KIAA0825: variants seen among roughly 807,000 people sequenced by gnomAD.
The protein encoded by KIAA0825 is uncharacterized protein KIAA0825.
KIAA0825 carries 119 observed loss-of-function variants against 147.6 expected under a neutral mutation model. That is an observed-to-expected ratio of 0.81 (90% CI 0.69 to 0.94). The LOEUF (loss-of-function observed/expected upper bound fraction) is 0.94, where lower values mean the gene tolerates loss of function less well. Among genes scored for constraint, KIAA0825 ranks in the 40% least tolerant of loss-of-function variants. The pLI, the probability that KIAA0825 is intolerant of heterozygous loss-of-function variation, is 0.00. For missense variants in KIAA0825, 1,381 were observed against 1,472.7 expected, an observed-to-expected ratio of 0.94 and a Z score of 1.02; for synonymous variants, 470 against 518.1, an observed-to-expected ratio of 0.91 and a Z score of 1.26.
intron 20 of KIAA0825, among the ~76,000 whole-genome samples, chr5:94,333,894 G>A (rs1008657122): frequency 7.9e-5 from 12 of 152,110 alleles, no homozygotes; most frequent in Non-Finnish European, 7.4e-5. Flanking sequence ...AACTTAACAA[G>A]GGATTTGAAG....
chr5:94,396,443 C>A lies in KIAA0825; in HGVS notation c.2954G>T (p.Cys985Phe), dbSNP rs1472647055. 2.8e-5 allele frequency: 43 copies of A among 1,543,632 alleles called. No individual in the cohort carries two copies. The highest frequency in any genetic ancestry group is 3.5e-5 in the Non-Finnish European group (40 of 1,143,400). The change falls in exon 17 of 21, where the codon TGT becomes TTT. Residue 985 changes from cysteine (C) to phenylalanine (F), a missense_variant. Cys to Phe is a radical substitution (Grantham distance 205, BLOSUM62 -2). Transcript: ENST00000682413. Reference protein sequence around the residue: ...VISKLPTVIACLPPPVKYFFF... With the variant: ...VISKLPTVIAFLPPPVKYFFF... ...GAAGTATTTAACTGGGGGAGGCAAACATGCAATCACCGTAGGTAACTTGCT... is the reference window on the plus strand; with the variant it reads ...GAAGTATTTAACTGGGGGAGGCAAAAATGCAATCACCGTAGGTAACTTGCT...
At chr5:94,501,025 G>A (rs910068081) in intron 5 of KIAA0825, among the ~76,000 whole-genome samples, 1 of 152,000 alleles carries the variant, frequency 6.6e-6, no homozygotes, top group African/African-American at 2.4e-5. Flanking sequence ...GAAAGTGCTG[G>A]GATTACAGGC....
chr5:94,616,628 T>C (rs1404596836), intron 1 of KIAA0825, among the ~76,000 whole-genome samples: 3 of 152,192 alleles, frequency 2.0e-5, no homozygotes, highest in Non-Finnish European at 4.4e-5. Context: ...CTGGACTCAG[T>C]CACCAATATG....
At chr5:94,590,922 C>A (rs1236863608) in intron 1 of KIAA0825, among the ~76,000 whole-genome samples, 1 of 151,978 alleles carries the variant, frequency 6.6e-6, no homozygotes, top group East Asian at 1.9e-4. Flanking sequence ...AAAAGGAGAG[C>A]AATGTAGAAA....
chr5:94,426,656 T>G (rs77499039), intron 14 of KIAA0825, among the ~76,000 whole-genome samples: 4 of 152,164 alleles, frequency 2.6e-5, no homozygotes, highest in Non-Finnish European at 5.9e-5. Flanking sequence ...AGGGTGATTA[T>G]AGTTAGCAAT....
At chr5:94,154,731 C>T (rs183705816) in intron 20 of KIAA0825, among the ~76,000 whole-genome samples, 18 of 152,228 alleles carry the variant, frequency 1.2e-4, no homozygotes, top group African/African-American at 3.9e-4. Flanking sequence ...GATGATTAAG[C>T]GATACAGAAT....
intron 20 of KIAA0825, among the ~76,000 whole-genome samples, chr5:94,333,564 C>T (rs529620011): frequency 1.4e-4 from 22 of 152,256 alleles, no homozygotes; most frequent in African/African-American, 4.8e-4. Flanking sequence ...TCTGAGGCCT[C>T]TGTTCTGTTC....
chr5:94,228,417 T>G (rs140523955), intron 20 of KIAA0825, among the ~76,000 whole-genome samples: 1 of 152,304 alleles, frequency 6.6e-6, no homozygotes, highest in East Asian at 1.9e-4. Flanking sequence ...TTTGCCATAG[T>G]GTAGCCACTT....
At chr5:94,399,551 G>A (rs942622322) in intron 16 of KIAA0825, among the ~76,000 whole-genome samples, 1 of 152,026 alleles carries the variant, frequency 6.6e-6, no homozygotes, top group Admixed American at 6.6e-5. Context: ...CAATCTCAAG[G>A]GCTCTGAGTC....
At chr5:94,593,924 GA>G in intron 1 of KIAA0825, 1 of 434,792 alleles carries the variant, frequency 2.3e-6, no homozygotes, top group East Asian at 5.9e-5. Flanking sequence ...ATCCAGAATT[GA>G]AGCAGTTTTA....
At chr5:94,538,887 C>T (rs1223299545) in intron 2 of KIAA0825, among the ~76,000 whole-genome samples, 1 of 152,106 alleles carries the variant, frequency 6.6e-6, no homozygotes, top group East Asian at 1.9e-4. Context: ...CACAAGTGAC[C>T]AACCAAGAGT....
chr5:94,566,797 A>T (rs1170815004), intron 2 of KIAA0825, among the ~76,000 whole-genome samples: 1 of 152,178 alleles, frequency 6.6e-6, no homozygotes, highest in East Asian at 1.9e-4. Flanking sequence ...TTAAGTTCAG[A>T]GTAAATTTTG....
rs183563047 is a variant in KIAA0825 at position 94,394,044 on chromosome 5, G to C, written c.3296+2057C>G. Among the ~76,000 whole-genome samples, 642 of 151,740 alleles carry C rather than the reference G, an allele frequency of 4.2e-3. 7 individuals carry two copies. The highest frequency in any genetic ancestry group is 0.014 in the African/African-American group (599 of 41,384). On this transcript the variant is annotated intron_variant, in intron 17 of 20. Coordinates refer to ENST00000682413, the MANE Select transcript of KIAA0825 (RefSeq NM_001145678.3). ...TTTTTGTATTTTTTGTAGAGACGGGGTTTCATCATATCAGTCAGGCTGGTC... is the reference window on the plus strand; with the variant it reads ...TTTTTGTATTTTTTGTAGAGACGGGCTTTCATCATATCAGTCAGGCTGGTC...
At chr5:94,418,269 C>A (rs533533558) in intron 14 of KIAA0825, among the ~76,000 whole-genome samples, 371 of 151,822 alleles carry the variant, frequency 2.4e-3, no homozygotes, top group South Asian at 4.2e-3. Flanking sequence ...AATTTTTTTC[C>A]TGTGATTTGA....
At chr5:94,307,357 C>T (rs2150191154) in intron 20 of KIAA0825, among the ~76,000 whole-genome samples, 1 of 151,822 alleles carries the variant, frequency 6.6e-6, no homozygotes, top group South Asian at 2.1e-4. Flanking sequence ...TACCTATGCC[C>T]CTGTCACCCT....
chr5:94,379,207 G>C (rs1447137907), intron 20 of KIAA0825, among the ~76,000 whole-genome samples: 1 of 152,082 alleles, frequency 6.6e-6, no homozygotes, highest in Non-Finnish European at 1.5e-5. Flanking sequence ...GTATTTCCTA[G>C]GTTATTTTCC....
chr5:94,291,676 G>A (rs1056503251), intron 20 of KIAA0825, among the ~76,000 whole-genome samples: 2 of 152,086 alleles, frequency 1.3e-5, no homozygotes, highest in Non-Finnish European at 2.9e-5. Flanking sequence ...GATGGGGGTA[G>A]CATTGAATCT....
At chr5:94,521,996 T>C (rs1375744456) in intron 4 of KIAA0825, among the ~76,000 whole-genome samples, 1 of 151,816 alleles carries the variant, frequency 6.6e-6, no homozygotes, top group African/African-American at 2.4e-5. Context: ...AGCACTGCAA[T>C]GCCTAATGTT....
At chr5:94,411,625 T>A (rs539023817) in intron 15 of KIAA0825, among the ~76,000 whole-genome samples, 123 of 152,266 alleles carry the variant, frequency 8.1e-4, no homozygotes, top group African/African-American at 2.9e-3. Flanking sequence ...CCAGTTGTTC[T>A]TAGGACACAA....
Sources: allele counts gnomAD v4.1 joint callset (sites outside exome capture counted in the v4.1 genomes callset), GRCh38; gene constraint gnomAD v4.1.1; transcripts MANE v1.5; gene names NCBI Gene and HGNC (gene_info 2026-07-23, HGNC 2026-07-21).